SLC12A6: variants seen among roughly 807,000 people sequenced by gnomAD.
SLC12A6 encodes K-Cl cotransporter 3.
Under a neutral mutation model 135.3 loss-of-function variants are expected in SLC12A6, and 66 were observed. The observed-to-expected ratio is 0.49, with a 90% CI of 0.40 to 0.60. SLC12A6 has a LOEUF of 0.60. SLC12A6 is among the 20% of genes least tolerant of loss of function. The pLI is 0.00. For synonymous variants in SLC12A6, 513 were observed against 508.8 expected, an observed-to-expected ratio of 1.01 and a Z score of -0.11; for missense variants, 1,058 against 1,452.3, an observed-to-expected ratio of 0.73 and a Z score of 4.41.
chr15:34,304,535 C>T (rs1049045958), intron 2 of SLC12A6, among the ~76,000 whole-genome samples: 8 of 152,192 alleles, frequency 5.3e-5, no homozygotes, highest in Non-Finnish European at 8.8e-5. Flanking sequence ...TACTTCACAT[C>T]CTTTCCAACA....
chr15:34,301,510 C>G (rs1896255181), intron 2 of SLC12A6, among the ~76,000 whole-genome samples: 1 of 152,092 alleles, frequency 6.6e-6, no homozygotes, highest in South Asian at 2.1e-4. Context: ...TGCTGTCATT[C>G]CAATTTTTCC....
intron 2 of SLC12A6, among the ~76,000 whole-genome samples, chr15:34,321,083 G>A (rs1889056471): frequency 6.6e-6 from 1 of 152,002 alleles, no homozygotes; most frequent in Non-Finnish European, 1.5e-5. Flanking sequence ...AGAAACATTA[G>A]ACTAAGAAAC....
chr15:34,238,185 G>A, intron 21 of SLC12A6, 47 bp downstream of exon 21: 3 of 1,347,224 alleles, frequency 2.2e-6, no homozygotes, highest in Non-Finnish European at 3.2e-6. Flanking sequence ...TGTGAACCAG[G>A]ACAGAAGGGA....
At position 34,330,578 on chromosome 15, in the gene SLC12A6, G is replaced by A. The variant is rs545984649; in HGVS notation, c.271+5832C>T. Among the ~76,000 whole-genome samples the A allele has an allele frequency of 3.9e-5, 6 of 151,924 alleles. No individual in the cohort carries two copies. In the South Asian group the frequency reaches 1.0e-3, roughly 26 times the overall value. ...CATCTACTCAAGAGGCTGAGGTGGAGGACTGCTTGAGCTCAGAAAGTTGAG... is the reference window on the plus strand; with the variant it reads ...CATCTACTCAAGAGGCTGAGGTGGAAGACTGCTTGAGCTCAGAAAGTTGAG... On this transcript the variant is annotated intron_variant, in intron 2 of 25. Coordinates refer to ENST00000354181, the MANE Select transcript of SLC12A6 (RefSeq NM_001365088.1).
chr15:34,264,002 T>C (rs1048646040), intron 3 of SLC12A6, among the ~76,000 whole-genome samples: 1 of 147,826 alleles, frequency 6.8e-6, no homozygotes, highest in Non-Finnish European at 1.5e-5. Context: ...CATTAATAAA[T>C]AGAAAAAAAA....
rs909785278 is a variant in SLC12A6 at position 34,240,741 on chromosome 15, C to T, written c.2356G>A (p.Gly786Arg). The change falls in exon 19 of 26, where the codon GGA becomes AGA. Residue 786 changes from glycine to arginine, a missense_variant. Around this residue, in one of 6 missense-constraint regions of SLC12A6, gnomAD observed 170 missense variants for 297.6 expected, o/e 0.57. Coordinates refer to ENST00000354181, the MANE Select transcript of SLC12A6 (RefSeq NM_001365088.1). Reference protein sequence around the residue: ...LLTFASQLKAGKGLTIVGSVI... With the variant: ...LLTFASQLKARKGLTIVGSVI... Reference sequence around the variant, plus strand: ...GAGCCCACAATAGTGAGACCTTTTCCTGCTTTGAGCTGTGAGGCAAAGGTG... The same window carrying T: ...GAGCCCACAATAGTGAGACCTTTTCTTGCTTTGAGCTGTGAGGCAAAGGTG... The T allele has an allele frequency of 6.2e-7, 1 of 1,613,898 alleles. No individual in the cohort carries two copies. The highest frequency in any genetic ancestry group is 1.3e-5 in the African/African-American group (1 of 74,920).
At chr15:34,262,442 A>T (rs943052796) in intron 3 of SLC12A6, among the ~76,000 whole-genome samples, 1 of 151,944 alleles carries the variant, frequency 6.6e-6, no homozygotes, top group Non-Finnish European at 1.5e-5. Context: ...GCACAACCTC[A>T]TTCTTCTTGG....
At chr15:34,234,926 G>T in intron 25 of SLC12A6, among the ~76,000 whole-genome samples, 1 of 152,128 alleles carries the variant, frequency 6.6e-6, no homozygotes, top group East Asian at 1.9e-4. Flanking sequence ...GTCAGGAAGG[G>T]TTTTATACAC....
chr15:34,245,585 C>T (rs1891925310), intron 14 of SLC12A6, 108 bp downstream of exon 14: 2 of 1,068,698 alleles, frequency 1.9e-6, no homozygotes, highest in East Asian at 2.4e-5. Context: ...GTACTAAAAA[C>T]CCACGTCTCC....
At chr15:34,241,986 T>A in intron 17 of SLC12A6, 116 bp downstream of exon 17, 1 of 789,504 alleles carries the variant, frequency 1.3e-6, no homozygotes, top group South Asian at 1.4e-5. Context: ...GGGTACAAAA[T>A]ATAGTTATGA....
intron 19 of SLC12A6, among the ~76,000 whole-genome samples, chr15:34,240,099 CT>C (rs1891541105): frequency 1.3e-5 from 2 of 151,986 alleles, no homozygotes; most frequent in African/African-American, 4.8e-5. Flanking sequence ...TCCTTCCCCC[CT>C]CCCCCCACAG....
intron 2 of SLC12A6, among the ~76,000 whole-genome samples, chr15:34,302,697 T>C (rs754811920): frequency 1.3e-5 from 2 of 151,958 alleles, no homozygotes; most frequent in Non-Finnish European, 2.9e-5. Context: ...ATGCCTATAA[T>C]CTTGGCACTT....
At chr15:34,279,266 A>G (rs1894507491) in intron 2 of SLC12A6, among the ~76,000 whole-genome samples, 1 of 152,024 alleles carries the variant, frequency 6.6e-6, no homozygotes, top group South Asian at 2.1e-4. Flanking sequence ...GTTAGTGGAG[A>G]TCAGGCCACT....
In SLC12A6 at chr15:34,298,475, AAAAT is replaced by A. The variant is rs147699591; in HGVS notation, c.272-23090_272-23087del. ...AGGCGACAGAGTGAGACTCTGTCTC[AAAAT>A]AAATAAATAAATAAATAAATAAAAT... On this transcript the variant is annotated intron_variant, in intron 2 of 25. Transcript: ENST00000354181. Among the ~76,000 whole-genome samples the A allele has an allele frequency of 1.1e-4, 17 of 148,902 alleles. No homozygotes were observed. The East Asian group carries it at 2.4e-3, about 21-fold the overall frequency.
At chr15:34,236,266 T>C (rs987844223) in intron 23 of SLC12A6, 67 bp from the exon 24 acceptor site, 1 of 1,217,324 alleles carries the variant, frequency 8.2e-7, no homozygotes, top group Non-Finnish European at 1.2e-6. Context: ...TTTGGTTATT[T>C]TGAAGCAGTA....
In SLC12A6 at chr15:34,298,944, T is replaced by C. The variant is rs551805108; in HGVS notation, c.272-23555A>G. 2.0e-5 allele frequency among the ~76,000 whole-genome samples: 3 copies of C among 152,362 alleles called. No individual in the cohort carries two copies. In the East Asian group the frequency reaches 5.8e-4, roughly 29 times the overall value. On this transcript the variant is annotated intron_variant, in intron 2 of 25. Coordinates refer to ENST00000354181, the MANE Select transcript of SLC12A6 (RefSeq NM_001365088.1). ...ACTAATAATCCTAAAATTCTGCCTTTATCAGTTTGCATCATTGCTTAAACA... is the reference window on the plus strand; with the variant it reads ...ACTAATAATCCTAAAATTCTGCCTTCATCAGTTTGCATCATTGCTTAAACA...
intron 13 of SLC12A6, among the ~76,000 whole-genome samples, chr15:34,247,536 T>C (rs1390796186): frequency 1.9e-4 from 28 of 150,496 alleles, no homozygotes; most frequent in African/African-American, 6.6e-4. Context: ...AAAAAAGTAA[T>C]GTGCAAAAAA....
At chr15:34,295,917 T>C (rs1895848085) in intron 2 of SLC12A6, among the ~76,000 whole-genome samples, 1 of 152,196 alleles carries the variant, frequency 6.6e-6, no homozygotes, top group Non-Finnish European at 1.5e-5. Flanking sequence ...GGAGAATTGC[T>C]TGAACCCAGG....
intron 2 of SLC12A6, among the ~76,000 whole-genome samples, chr15:34,282,054 T>C (rs961073217): frequency 7.2e-5 from 11 of 152,164 alleles, no homozygotes; most frequent in Non-Finnish European, 1.2e-4. Context: ...ATCTGCTACA[T>C]AGTGGCTTGT....
Sources: gnomAD v4.1 joint callset for allele counts (sites outside exome capture counted in the v4.1 genomes callset) on GRCh38, gnomAD v4.1.1 for gene constraint, gnomAD v4.1.1 regional missense constraint, MANE v1.5 for transcripts, NCBI Gene and HGNC (gene_info 2026-07-23, HGNC 2026-07-21) for gene names.